CA12: variants seen among roughly 807,000 people sequenced by gnomAD.
The protein encoded by CA12 is carbonate dehydratase XII.
Under a neutral mutation model 46.8 loss-of-function variants are expected in CA12, and 36 were observed. The ratio of observed to expected loss-of-function variants is 0.77; its 90% CI spans 0.59 to 1.02. The LOEUF (loss-of-function observed/expected upper bound fraction) is 1.02, where lower values mean the gene tolerates loss of function less well. CA12 is among the 50% of genes least tolerant of loss of function. CA12 has a pLI of 0.00. For synonymous variants in CA12, 202 were observed against 187.0 expected, an observed-to-expected ratio of 1.08 and a Z score of -0.65; for missense variants, 436 against 451.4, an observed-to-expected ratio of 0.97 and a Z score of 0.31.
chr15:63,346,645 G>A lies in CA12; in HGVS notation c.171C>T (p.Pro57=), dbSNP rs143695574. The A allele has an allele frequency of 6.9e-5, 112 of 1,613,480 alleles. No homozygotes were observed. Among genetic ancestry groups the A allele is most frequent in the Non-Finnish European group, 8.5e-5 (100 of 1,179,846 alleles). The stretch of plus-strand genomic sequence containing the variant: ...GGAGGATGTCACTGTGCAGGTCTAT[G>A]GGGGACTGCAGCAGGCCCCCACACG... The part of the protein sequence containing the change: ...YPSCGGLLQS[P]IDLHSDILQY... Residue 57 remains proline (P), a synonymous_variant, in exon 3 of 11, where the codon CCC becomes CCT. Transcript: ENST00000178638.
intron 8 of CA12, among the ~76,000 whole-genome samples, chr15:63,333,630 T>A (rs1291455647): frequency 6.6e-6 from 1 of 152,242 alleles, no homozygotes; most frequent in Non-Finnish European, 1.5e-5. Flanking sequence ...AGGTCAATAA[T>A]GATAACACAT....
At position 63,330,981 on chromosome 15, in the gene CA12, G is replaced by T. The variant is rs1277256441; in HGVS notation, c.875-2851C>A. Among the ~76,000 whole-genome samples, 2 of 152,258 alleles carry T rather than the reference G, an allele frequency of 1.3e-5. No homozygotes were observed. The highest frequency in any genetic ancestry group is 4.8e-5 in the African/African-American group (2 of 41,472). On this transcript the variant is annotated intron_variant, in intron 8 of 10. Coordinates refer to ENST00000178638, the MANE Select transcript of CA12 (RefSeq NM_001218.5). This position sits in a 1 kb window ranked among gnomAD's most constrained non-coding sequence, Gnocchi z 4.0. ...TGATACAGCAAAAACGAAGCAGCTT[G>T]ACTGAGCCAACATCATAAGCTGTTA...
At chr15:63,377,498 G>T in intron 1 of CA12, among the ~76,000 whole-genome samples, 1 of 151,964 alleles carries the variant, frequency 6.6e-6, no homozygotes, top group East Asian at 1.9e-4. Context: ...AAAAAAAGCC[G>T]GTTTAATCTC....
Position 63,326,284 on chromosome 15 carries a change from C to G in CA12, c.*1G>C. The G allele has an allele frequency of 2.5e-6, 4 of 1,613,684 alleles. No homozygotes were observed. Among genetic ancestry groups the G allele is most frequent in the Non-Finnish European group, 3.4e-6 (4 of 1,179,686 alleles). On this transcript the variant is annotated 3_prime_UTR_variant, in exon 11 of 11. Transcript: ENST00000178638. ...GGATGTGCCCGGGAGCTCCGGGGACCTCAAGCGTGGGCCTCAGTCTCCATC... is the reference window on the plus strand; with the variant it reads ...GGATGTGCCCGGGAGCTCCGGGGACGTCAAGCGTGGGCCTCAGTCTCCATC...
chr15:63,374,146 C>A lies in CA12; in HGVS notation c.106+1512G>T, dbSNP rs1442747186. 2.0e-5 allele frequency among the ~76,000 whole-genome samples: 3 copies of A among 152,166 alleles called. No individual in the cohort carries two copies. The highest frequency in any genetic ancestry group is 2.9e-5 in the Non-Finnish European group (2 of 68,016). On this transcript the variant is annotated intron_variant, in intron 2 of 10. Coordinates refer to ENST00000178638, the MANE Select transcript of CA12 (RefSeq NM_001218.5). The surrounding 1 kb of genome is among the most constrained non-coding windows in gnomAD (Gnocchi z 4.4). ...CAGGAGCAGGACAAAGTGGGAAAGG[C>A]CTGCCCTGACCCTCCACACCTCCCC...
At chr15:63,362,754 T>C (rs913524442) in intron 2 of CA12, among the ~76,000 whole-genome samples, 3 of 152,222 alleles carry the variant, frequency 2.0e-5, no homozygotes, top group Admixed American at 1.3e-4. Flanking sequence ...ATAGCACTCT[T>C]GCTATTATTT....
chr15:63,353,915 T>G (rs565606709), intron 2 of CA12, among the ~76,000 whole-genome samples: 3 of 152,190 alleles, frequency 2.0e-5, no homozygotes, highest in Non-Finnish European at 4.4e-5. Flanking sequence ...CTGAAGCTGA[T>G]TAAAATATCT....
rs1005015293 is a variant in CA12, at chr15:63,322,306, G to GA, written c.*3978dup. ...CACCAGATTTCAAAGATTTACTGCA[G>GA]AAAAAAACACATGAAAATACTGGTT... On this transcript the variant is annotated 3_prime_UTR_variant, in exon 11 of 11. Coordinates refer to ENST00000178638, the MANE Select transcript of CA12 (RefSeq NM_001218.5). The surrounding 1 kb of genome is among the most constrained non-coding windows in gnomAD (Gnocchi z 4.1). 11 of 150,696 alleles carry GA rather than the reference G, an allele frequency of 7.3e-5. No homozygotes were observed. The highest frequency in any genetic ancestry group is 5.3e-4 in the Admixed American group (8 of 15,150). 9.3% of individuals were successfully genotyped at this position (150,696 alleles called of 1,614,324 possible). A position where few individuals can be genotyped will look rare whatever the true frequency, so the allele number is the denominator to read the frequency against.
chr15:63,380,734 T>A (rs2039633731), intron 1 of CA12, among the ~76,000 whole-genome samples: 1 of 152,158 alleles, frequency 6.6e-6, no homozygotes, highest in Non-Finnish European at 1.5e-5. Flanking sequence ...CTCAGAGCTT[T>A]TATGCTGCTG....
chr15:63,365,690 C>G (rs2039427386), intron 2 of CA12, among the ~76,000 whole-genome samples: 1 of 152,206 alleles, frequency 6.6e-6, no homozygotes, highest in Non-Finnish European at 1.5e-5. Flanking sequence ...GTCAGGACCC[C>G]CATTTCTCCT....
intron 10 of CA12, 63 bp from the exon 11 acceptor site, chr15:63,326,420 T>C: frequency 1.5e-6 from 2 of 1,353,920 alleles, no homozygotes; most frequent in Non-Finnish European, 2.1e-6. Flanking sequence ...GAGAGCAGCC[T>C]GACTCAGGTA....
rs151338276 is a variant in CA12 at position 63,340,370 on chromosome 15, C to T, written c.665G>A (p.Arg222Gln). 2,489 of 1,614,118 alleles carry T rather than the reference C, an allele frequency of 1.5e-3. 60 individuals are homozygous for T. The South Asian group carries it at 0.025, about 16-fold the overall frequency. Residue 222 changes from arginine to glutamine, a missense_variant, in exon 7 of 11, where the codon CGG (arginine) becomes CAG (glutamine). Arg to Gln is a conservative substitution (Grantham distance 43). Transcript: ENST00000178638. The surrounding 1 kb of genome is among the most constrained non-coding windows in gnomAD (Gnocchi z 4.4). ...GCAAGGGGGTGTGGTCAGGGACCCC[C>T]GGTAGCGGTAATATTCAGCGGTCCT... The part of the protein sequence containing the change: ...PERTAEYYRY[R>Q]GSLTTPPCNP...
chr15:63,331,201 G>C lies in CA12; in HGVS notation c.875-3071C>G, dbSNP rs1595774728. 6.6e-6 allele frequency among the ~76,000 whole-genome samples: 1 copy of C among 152,200 alleles called. No homozygotes were observed. The highest frequency in any genetic ancestry group is 1.5e-5 in the Non-Finnish European group (1 of 68,030). ...CCAAAACATCTGTTATCTGATGGGA[G>C]AGAGAAAGTCAGCGAGACTTTCGGG... On this transcript the variant is annotated intron_variant, in intron 8 of 10. Coordinates refer to ENST00000178638, the MANE Select transcript of CA12 (RefSeq NM_001218.5). The surrounding 1 kb of genome is among the most constrained non-coding windows in gnomAD (Gnocchi z 5.3).
intron 4 of CA12, among the ~76,000 whole-genome samples, chr15:63,343,079 A>G (rs924331816): frequency 2.0e-5 from 3 of 151,986 alleles, no homozygotes; most frequent in East Asian, 1.9e-4. Flanking sequence ...TGCCCACACC[A>G]TCTCGGCCTG....
intron 1 of CA12, among the ~76,000 whole-genome samples, chr15:63,377,394 G>A (rs768030889): frequency 2.2e-4 from 34 of 152,094 alleles, no homozygotes; most frequent in Non-Finnish European, 4.6e-4. Context: ...AAACTTAAGT[G>A]ACAAGCAATC....
At chr15:63,380,486 A>C (rs7171715) in intron 1 of CA12, among the ~76,000 whole-genome samples, 20,222 of 152,204 alleles carry the variant, frequency 0.13, 2,385 homozygotes, top group African/African-American at 0.31. Flanking sequence ...CTTTGGTCTC[A>C]GTGCAGCTTT....
At chr15:63,358,834 A>ACATAC (rs1368045676) in intron 2 of CA12, among the ~76,000 whole-genome samples, 2 of 150,880 alleles carry the variant, frequency 1.3e-5, no homozygotes, top group Non-Finnish European at 3.0e-5. Context: ...TCCCATTCAG[A>ACATAC]CCTCCCTGCT....
At position 63,323,804 on chromosome 15, in the gene CA12, T is replaced by G. The variant is rs1211584074; in HGVS notation, c.*2481A>C. 6.6e-6 allele frequency: 1 copy of G among 152,294 alleles called. No homozygotes were observed. The highest frequency in any genetic ancestry group is 6.5e-5 in the Admixed American group (1 of 15,286). 9.4% of individuals were successfully genotyped at this position (152,294 alleles called of 1,614,324 possible). On this transcript the variant is annotated 3_prime_UTR_variant, in exon 11 of 11. Coordinates refer to ENST00000178638, the MANE Select transcript of CA12 (RefSeq NM_001218.5). This position sits in a 1 kb window ranked among gnomAD's most constrained non-coding sequence, Gnocchi z 5.1. ...ACATGCTAGAAACAGATACAGAGTT[T>G]TTTGTTGTTTTTTAACTATTTTACC...
chr15:63,381,563 C>T, intron 1 of CA12, 73 bp downstream of exon 1: 1 of 1,220,578 alleles, frequency 8.2e-7, no homozygotes, highest in Non-Finnish European at 1.2e-6. Context: ...TTTACTTTAT[C>T]ATTGAAGAGC....
Sources: allele counts gnomAD v4.1 joint callset (sites outside exome capture counted in the v4.1 genomes callset), GRCh38; gene constraint gnomAD v4.1.1; non-coding constraint Gnocchi (gnomAD v3.1); transcripts MANE v1.5; gene names NCBI Gene and HGNC (gene_info 2026-07-23, HGNC 2026-07-21).